HEPACAM2: variants seen among roughly 807,000 people sequenced by gnomAD.
HEPACAM2 encodes the protein mitotic kinetics regulator.
Under a neutral mutation model 49.6 loss-of-function variants are expected in HEPACAM2, and 49 were observed. That is an observed-to-expected ratio of 0.99 (90% confidence interval 0.78 to 1.25). The LOEUF is 1.25. HEPACAM2 is among the 50% of genes most tolerant of loss of function. HEPACAM2 has a pLI of 0.00. For missense variants in HEPACAM2, 525 were observed against 557.2 expected (o/e 0.94, Z 0.58); for synonymous variants, 197 against 202.9 (o/e 0.97, Z 0.25).
chr7:93,205,172 C>T (rs1242120365), intron 4 of HEPACAM2, among the ~76,000 whole-genome samples: 2 of 151,372 alleles, frequency 1.3e-5, no homozygotes, highest in Non-Finnish European at 2.9e-5. Flanking sequence ...TGCCTGTTGT[C>T]TCTGTTTTCT....
At chr7:93,199,759 C>T (rs781062776) in intron 4 of HEPACAM2, among the ~76,000 whole-genome samples, 11 of 152,038 alleles carry the variant, frequency 7.2e-5, no homozygotes, top group Non-Finnish European at 1.6e-4. Flanking sequence ...ACACACAATA[C>T]ACTTTTAAGT....
In HEPACAM2 at chr7:93,189,197, T is replaced by G; in HGVS notation, c.*70A>C. On this transcript the variant is annotated 3_prime_UTR_variant, in exon 10 of 10. Coordinates refer to ENST00000394468, the MANE Select transcript of HEPACAM2 (RefSeq NM_001039372.4). ...CTTCACTGATTCCAGATTAATATAC[T>G]TTTCCACTGTTTTTCCTTAAAATGT... 1 of 1,357,276 alleles carries G rather than the reference T, an allele frequency of 7.4e-7. No homozygotes were observed. The highest frequency in any genetic ancestry group is 1.4e-5 in the African/African-American group (1 of 69,270). The allele number at this position is 1,357,276 out of a possible 1,614,324, so 84.1% of individuals were successfully genotyped here. A position where few individuals can be genotyped will look rare whatever the true frequency, so the allele number is the denominator to read the frequency against.
chr7:93,193,769 ATAATT>A (rs1169960455), intron 8 of HEPACAM2, among the ~76,000 whole-genome samples: 3 of 152,130 alleles, frequency 2.0e-5, no homozygotes, highest in African/African-American at 7.2e-5. Flanking sequence ...CAGAAAGTTA[ATAATT>A]TAATTTATTT....
In HEPACAM2 at chr7:93,215,482, C is replaced by T. The variant is rs761548759; in HGVS notation, c.634G>A (p.Glu212Lys). 6.2e-7 allele frequency: 1 copy of T among 1,613,812 alleles called. No individual in the cohort carries two copies. Among genetic ancestry groups the T allele is most frequent in the Non-Finnish European group, 8.5e-7 (1 of 1,179,836 alleles). Residue 212 changes from glutamate (E) to lysine (K), a missense_variant, in exon 3 of 10, where the codon GAA (glutamate) becomes AAA (lysine). Physicochemically the swap from Glu to Lys is moderately conservative, Grantham distance 56. Transcript: ENST00000394468. ...AGGCAGCTGTAATTCCCAATGTCTT[C>T]CTTGGTTACTGGAGCAATATGAAGG... is the stretch of plus-strand genomic sequence containing the variant. The part of the protein sequence containing the change: ...NTLHIAPVTK[E>K]DIGNYSCLVR...
intron 4 of HEPACAM2, among the ~76,000 whole-genome samples, chr7:93,201,755 G>T (rs1365178513): frequency 2.0e-5 from 3 of 151,956 alleles, no homozygotes; most frequent in African/African-American, 4.8e-5. Context: ...CTCTGTATAT[G>T]ATGTCATCTT....
chr7:93,200,083 T>A (rs948572788), intron 4 of HEPACAM2, among the ~76,000 whole-genome samples: 1 of 152,024 alleles, frequency 6.6e-6, no homozygotes, highest in African/African-American at 2.4e-5. Context: ...AAAGGGTGTA[T>A]TCTGCTGTTG....
In HEPACAM2 at chr7:93,208,715, T is replaced by C. The variant is rs1260097656; in HGVS notation, c.877A>G (p.Ile293Val). The C allele has an allele frequency of 6.2e-7, 1 of 1,613,228 alleles. No individual in the cohort carries two copies. Among genetic ancestry groups the C allele is most frequent in the East Asian group, 2.2e-5 (1 of 44,834 alleles). ...ACTTCTAAGCGAGGCCCATGCTTAA[T>C]GATATATGTAGTATTGTCAGTCCTC... The part of the protein sequence containing the change: ...IRRTDNTTYI[I>V]KHGPRLEVAS... The change falls in exon 4 of 10, where the codon ATT (isoleucine) becomes GTT (valine). Residue 293 changes from isoleucine to valine, a missense_variant. Physicochemically the swap from Ile to Val is conservative, Grantham distance 29. Coordinates refer to ENST00000394468, the MANE Select transcript of HEPACAM2 (RefSeq NM_001039372.4).
intron 4 of HEPACAM2, among the ~76,000 whole-genome samples, chr7:93,208,288 T>C (rs1794080122): frequency 6.6e-6 from 1 of 152,048 alleles, no homozygotes; most frequent in African/African-American, 2.4e-5. Flanking sequence ...TCTTATATTT[T>C]TGTTCATAAA....
intron 3 of HEPACAM2, among the ~76,000 whole-genome samples, chr7:93,213,409 G>A (rs188847646): frequency 6.6e-6 from 1 of 151,876 alleles, no homozygotes; most frequent in East Asian, 1.9e-4. Flanking sequence ...CTACTTTCAT[G>A]AAAAAACCCT....
intron 9 of HEPACAM2, among the ~76,000 whole-genome samples, chr7:93,189,976 A>G (rs1646584935): frequency 6.6e-6 from 1 of 152,026 alleles, no homozygotes; most frequent in Non-Finnish European, 1.5e-5. Context: ...CTCTGCATCT[A>G]TAGGTGGCAT....
intron 4 of HEPACAM2, among the ~76,000 whole-genome samples, chr7:93,204,597 T>C (rs1308912672): frequency 6.6e-6 from 1 of 152,166 alleles, no homozygotes; most frequent in Non-Finnish European, 1.5e-5. Flanking sequence ...AACTTTGCAT[T>C]AATATGAAAT....
upstream of HEPACAM2, chr7:93,226,481 C>T: frequency 2.7e-6 from 4 of 1,508,566 alleles, no homozygotes; most frequent in South Asian, 2.3e-5. Context: ...GTAACTTGGA[C>T]CAGCAGCTGC....
the HEPACAM2 span, among the ~76,000 whole-genome samples, chr7:93,232,047 C>G: frequency 6.6e-6 from 1 of 152,230 alleles, no homozygotes; most frequent in East Asian, 1.9e-4. Context: ...TAGGGGACAT[C>G]GCGTCAATCT....
intron 1 of HEPACAM2, 150 bp from the exon 2 acceptor site, chr7:93,219,601 G>C: frequency 7.2e-7 from 1 of 1,397,744 alleles, no homozygotes; most frequent in African/African-American, 1.4e-5. Flanking sequence ...GTTACATATA[G>C]AGGTAAATAT....
chr7:93,215,650 G>T lies in HEPACAM2; in HGVS notation c.466C>A (p.Pro156Thr), dbSNP rs1355521543. The T allele has an allele frequency of 1.2e-6, 2 of 1,613,580 alleles. No individual in the cohort carries two copies. The highest frequency in any genetic ancestry group is 2.2e-5 in the South Asian group (2 of 91,062). Residue 156 changes from proline (P) to threonine (T), a missense_variant, in exon 3 of 10, where the codon CCC (proline) becomes ACC (threonine). Coordinates refer to ENST00000394468, the MANE Select transcript of HEPACAM2 (RefSeq NM_001039372.4). ...VTKPVVQIHP[P>T]SGAVEYVGNM... ...CCCACATACTCCACAGCCCCAGAGG[G>T]AGGATGAATCTGCACCACTGGCTTT...
intron 9 of HEPACAM2, 98 bp downstream of exon 9, chr7:93,192,156 T>C: frequency 1.3e-6 from 1 of 758,198 alleles, no homozygotes; most frequent in Non-Finnish European, 2.1e-6. Context: ...TTTCTTGTTT[T>C]GGTATTTTTC....
intron 1 of HEPACAM2, among the ~76,000 whole-genome samples, chr7:93,221,056 G>A (rs1383232610): frequency 6.6e-6 from 1 of 152,150 alleles, no homozygotes; most frequent in African/African-American, 2.4e-5. Context: ...ACACTTTAGG[G>A]AAGTTTTGCT....
chr7:93,227,463 G>A (rs188979415), upstream of HEPACAM2, among the ~76,000 whole-genome samples: 6 of 152,142 alleles, frequency 3.9e-5, no homozygotes, highest in East Asian at 5.8e-4. Flanking sequence ...TGATAAGAGG[G>A]GAAGGAAGAC....
chr7:93,222,948 C>T (rs1794477982), intron 1 of HEPACAM2, among the ~76,000 whole-genome samples: 1 of 152,102 alleles, frequency 6.6e-6, no homozygotes, highest in South Asian at 2.1e-4. Flanking sequence ...AATAAAACAG[C>T]AATTCTGTGT....
Sources: gnomAD v4.1 joint callset for allele counts (sites outside exome capture counted in the v4.1 genomes callset) on GRCh38, gnomAD v4.1.1 for gene constraint, MANE v1.5 for transcripts, NCBI Gene and HGNC (gene_info 2026-07-23, HGNC 2026-07-21) for gene names.